Variants in LGSN observed in about 807,000 individuals in gnomAD.
LGSN encodes the protein lengsin.
LGSN carries 21 observed loss-of-function variants against 19.5 expected under a neutral mutation model. The ratio of observed to expected loss-of-function variants is 1.07; its 90% CI spans 0.76 to 1.55. The LOEUF (loss-of-function observed/expected upper bound fraction) is 1.55, where lower values mean the gene tolerates loss of function less well. Ranked by LOEUF, LGSN falls within the 40% of genes most tolerant of loss-of-function variation. The probability of loss-of-function intolerance (pLI) is 0.00; values close to 1 mark genes in which losing one functional copy is unlikely to be tolerated. For missense variants in LGSN, 673 were observed against 608.5 expected (o/e 1.11, Z -1.12); for synonymous variants, 257 against 215.6 (o/e 1.19, Z -1.68).
the LGSN span, among the ~76,000 whole-genome samples, chr6:63,536,190 G>C: frequency 6.6e-6 from 1 of 152,146 alleles, no homozygotes; most frequent in Non-Finnish European, 1.5e-5. Flanking sequence ...AATTAGCTGG[G>C]CGTGGTGGCG....
the LGSN span, among the ~76,000 whole-genome samples, chr6:63,467,136 A>T: frequency 1.3e-5 from 2 of 152,276 alleles, no homozygotes; most frequent in South Asian, 2.1e-4. Flanking sequence ...GACTGAGAAG[A>T]TGTGCCTATA....
chr6:63,426,918 GTGTCC>G, the LGSN span, among the ~76,000 whole-genome samples: 2 of 152,274 alleles, frequency 1.3e-5, no homozygotes, highest in South Asian at 2.1e-4. Flanking sequence ...TAAAATCAAT[GTGTCC>G]TGTCTTTTCA....
At chr6:63,328,100 G>A in the LGSN span, among the ~76,000 whole-genome samples, 4 of 152,190 alleles carry the variant, frequency 2.6e-5, no homozygotes, top group African/African-American at 9.7e-5. Context: ...TAAGGCTCGG[G>A]TAAGTGCCAC....
At position 63,285,648 on chromosome 6, in the gene LGSN, A is replaced by G. The variant is rs779979437; in HGVS notation, c.269T>C (p.Phe90Ser). ...CACGCCGTGGAGGTCTGTTGCTTCA[A>G]ATCGTACAAACTGGAGGCGATTTTT... The part of the protein sequence containing the change: ...MAKNRLQFVR[F>S]EATDLHGVSR... The change falls in exon 3 of 4, where the codon TTT becomes TCT. Residue 90 changes from phenylalanine (F) to serine (S), a missense_variant. Coordinates refer to ENST00000370657, the MANE Select transcript of LGSN (RefSeq NM_016571.3). 6.2e-7 allele frequency: 1 copy of G among 1,614,116 alleles called. No individual in the cohort carries two copies. The highest frequency in any genetic ancestry group is 1.1e-5 in the South Asian group (1 of 91,082).
the LGSN span, among the ~76,000 whole-genome samples, chr6:63,507,821 G>C: frequency 6.6e-6 from 1 of 152,270 alleles, no homozygotes; most frequent in African/African-American, 2.4e-5. Context: ...GTTGATGGTA[G>C]TTCTGTCATT....
the LGSN span, among the ~76,000 whole-genome samples, chr6:63,436,057 C>G: frequency 2.6e-5 from 4 of 152,090 alleles, no homozygotes; most frequent in African/African-American, 9.7e-5. Flanking sequence ...CCAAAACCCA[C>G]AAAGTTCACA....
chr6:63,531,758 T>C, the LGSN span, among the ~76,000 whole-genome samples: 1 of 152,154 alleles, frequency 6.6e-6, no homozygotes, highest in Admixed American at 6.6e-5. Context: ...CCCAAAGTGC[T>C]GTGATTACAG....
chr6:63,348,822 C>G, the LGSN span, among the ~76,000 whole-genome samples: 1 of 150,462 alleles, frequency 6.6e-6, no homozygotes, highest in Non-Finnish European at 1.5e-5. Flanking sequence ...AAATCTTGGC[C>G]TGAAGCAATC....
At chr6:63,291,141 G>A (rs1225045085) in intron 2 of LGSN, among the ~76,000 whole-genome samples, 1 of 152,214 alleles carries the variant, frequency 6.6e-6, no homozygotes, top group Non-Finnish European at 1.5e-5. Context: ...AACCACTTAT[G>A]GGAGGGGGAA....
At chr6:63,438,333 C>T in the LGSN span, among the ~76,000 whole-genome samples, 1 of 152,118 alleles carries the variant, frequency 6.6e-6, no homozygotes, top group African/African-American at 2.4e-5. Context: ...GCAATGGCAA[C>T]AAAAGCCAAA....
the LGSN span, among the ~76,000 whole-genome samples, chr6:63,479,679 G>C: frequency 6.6e-6 from 1 of 152,170 alleles, no homozygotes; most frequent in African/African-American, 2.4e-5. Flanking sequence ...GATGGAGATT[G>C]CAGTGAGTCG....
At chr6:63,498,144 C>A in the LGSN span, among the ~76,000 whole-genome samples, 76 of 152,036 alleles carry the variant, frequency 5.0e-4, no homozygotes, top group East Asian at 0.013. Flanking sequence ...TCTCGAACTC[C>A]TGACCTCAGG....
the LGSN span, among the ~76,000 whole-genome samples, chr6:63,547,308 G>C: frequency 6.6e-6 from 1 of 150,670 alleles, no homozygotes; most frequent in Non-Finnish European, 1.5e-5. Context: ...TCCTGTCTCA[G>C]CCTCCCGAGT....
the LGSN span, among the ~76,000 whole-genome samples, chr6:63,391,605 T>C: frequency 6.6e-6 from 1 of 152,198 alleles, no homozygotes; most frequent in Non-Finnish European, 1.5e-5. Context: ...TCAATGTGTC[T>C]CTAGTTCCTG....
the LGSN span, among the ~76,000 whole-genome samples, chr6:63,462,859 A>T: frequency 6.6e-6 from 1 of 152,242 alleles, no homozygotes; most frequent in African/African-American, 2.4e-5. Context: ...ATGCAGATAA[A>T]TACATTTCTT....
At chr6:63,470,747 G>C in the LGSN span, among the ~76,000 whole-genome samples, 3 of 151,830 alleles carry the variant, frequency 2.0e-5, no homozygotes, top group Non-Finnish European at 4.4e-5. Flanking sequence ...TCTTCTTTGA[G>C]GTCATCCTTA....
chr6:63,415,284 G>C, the LGSN span, among the ~76,000 whole-genome samples: 1 of 152,144 alleles, frequency 6.6e-6, no homozygotes, highest in Non-Finnish European at 1.5e-5. Flanking sequence ...TTGAGACACT[G>C]TACTTCAGCC....
the LGSN span, among the ~76,000 whole-genome samples, chr6:63,370,320 C>T: frequency 6.6e-6 from 1 of 152,108 alleles, no homozygotes; most frequent in East Asian, 1.9e-4. Context: ...AATTCTGTGA[C>T]TTAGTAGGTG....
At chr6:63,319,850 C>T (rs1177281674) in intron 1 of LGSN, 64 bp downstream of exon 1, 1 of 1,158,014 alleles carries the variant, frequency 8.6e-7, no homozygotes, top group African/African-American at 1.5e-5. Flanking sequence ...AAATAATTGA[C>T]ATTTTTTAAA....
Sources: gnomAD v4.1 joint callset for allele counts (sites outside exome capture counted in the v4.1 genomes callset) on GRCh38, gnomAD v4.1.1 for gene constraint, MANE v1.5 for transcripts, NCBI Gene and HGNC (gene_info 2026-07-23, HGNC 2026-07-21) for gene names.